RAPGEF5: variants seen among roughly 807,000 people sequenced by gnomAD.
RAPGEF5 encodes Rap guanine nucleotide exchange factor 5.
Under a neutral mutation model 125.2 loss-of-function variants are expected in RAPGEF5, and 65 were observed. The ratio of observed to expected loss-of-function variants is 0.52; its 90% CI spans 0.43 to 0.64. RAPGEF5 has a LOEUF of 0.64. Ranked by LOEUF, RAPGEF5 falls within the 30% of genes least tolerant of loss-of-function variation. The pLI, the probability that RAPGEF5 is intolerant of heterozygous loss-of-function variation, is 0.00. For synonymous variants in RAPGEF5, 391 were observed against 385.9 expected, an observed-to-expected ratio of 1.01 and a Z score of -0.16; for missense variants, 958 against 1,048.1, an observed-to-expected ratio of 0.91 and a Z score of 1.19.
chr7:22,178,300 GA>G (rs559913078), intron 11 of RAPGEF5, among the ~76,000 whole-genome samples: 1 of 151,700 alleles, frequency 6.6e-6, no homozygotes, highest in Non-Finnish European at 1.5e-5. Context: ...AGATTATACT[GA>G]AAAAAAACCA....
rs76915246 is a variant in RAPGEF5 at position 22,284,376 on chromosome 7, C to T, written c.747+6799G>A. Among the ~76,000 whole-genome samples the T allele has an allele frequency of 6.1e-4, 93 of 152,230 alleles. No individual in the cohort carries two copies. The East Asian group carries it at 0.015, about 25-fold the overall frequency. On this transcript the variant is annotated intron_variant, in intron 6 of 25. Transcript: ENST00000665637. ...GACAGATTGAAACACAAGAAGAGAA[C>T]GTAGTATCAAGTCCTATGGCTCCGT...
intron 14 of RAPGEF5, among the ~76,000 whole-genome samples, chr7:22,159,149 C>T (rs994478022): frequency 6.6e-6 from 1 of 152,022 alleles, no homozygotes; most frequent in African/African-American, 2.4e-5. Flanking sequence ...CAAGGTTGTC[C>T]TTTTTTTCTT....
At chr7:22,156,655 T>C (rs1433110744) in intron 16 of RAPGEF5, among the ~76,000 whole-genome samples, 155 bp downstream of exon 16, 1 of 152,088 alleles carries the variant, frequency 6.6e-6, no homozygotes, top group East Asian at 1.9e-4. Flanking sequence ...AATGCTCAAA[T>C]AAAGAAAAGA....
At chr7:22,187,981 G>C (rs1784873625) in intron 11 of RAPGEF5, among the ~76,000 whole-genome samples, 2 of 152,222 alleles carry the variant, frequency 1.3e-5, no homozygotes, top group African/African-American at 2.4e-5. Flanking sequence ...TTTGTTAAAA[G>C]CATCACAGGT....
At position 22,298,173 on chromosome 7, in the gene RAPGEF5, G is replaced by GT. The variant is rs1353403134; in HGVS notation, c.681-6933dup. Among the ~76,000 whole-genome samples, 1,096 of 118,568 alleles carry GT rather than the reference G, an allele frequency of 9.2e-3. 7 individuals are homozygous for GT. Among genetic ancestry groups the GT allele is most frequent in the Non-Finnish European group, 0.013 (783 of 60,070 alleles). 77.8% of individuals were successfully genotyped at this position (118,568 alleles called of 152,430 possible). ...CTATGCTAATGAGTCATATTGTTCT[G>GT]TTTTTTGTTTTTTTTTTTTTTGAGA... is the stretch of plus-strand genomic sequence containing the variant. On this transcript the variant is annotated intron_variant, in intron 5 of 25. Transcript: ENST00000665637.
At position 22,199,531 on chromosome 7, in the gene RAPGEF5, G is replaced by GAAAAAAAAAAA. The variant is rs35024654; in HGVS notation, c.997-5509_997-5499dup. ...GTTATGTAAGTTTTACCTTAAAATTGAAAAAAAAAAAAAAAAAAAAAAAAA... is the reference window on the plus strand; with the variant it reads ...GTTATGTAAGTTTTACCTTAAAATTGAAAAAAAAAAAAAAAAAAAAAAAAAAAAAAAAAAAA... On this transcript the variant is annotated intron_variant, in intron 9 of 25. Transcript: ENST00000665637. 1.1e-3 allele frequency among the ~76,000 whole-genome samples: 67 copies of GAAAAAAAAAAA among 62,848 alleles called. 2 individuals are homozygous for GAAAAAAAAAAA. Among genetic ancestry groups the GAAAAAAAAAAA allele is most frequent in the Non-Finnish European group, 1.7e-3 (60 of 35,496 alleles). The allele number at this position is 62,848 out of a possible 152,430, so 41.2% of individuals were successfully genotyped here.
chr7:22,159,157 C>CT (rs1783904814), intron 14 of RAPGEF5, among the ~76,000 whole-genome samples: 1 of 151,956 alleles, frequency 6.6e-6, no homozygotes, highest in African/African-American at 2.4e-5. Context: ...TCCTTTTTTT[C>CT]TTTTTTTGAT....
chr7:22,184,312 C>A (rs768686066), intron 11 of RAPGEF5, among the ~76,000 whole-genome samples: 4 of 152,200 alleles, frequency 2.6e-5, no homozygotes, highest in Non-Finnish European at 5.9e-5. Flanking sequence ...CATCTCTCCA[C>A]ATAGTTCACT....
chr7:22,240,958 C>T (rs534845342), intron 7 of RAPGEF5, among the ~76,000 whole-genome samples: 56 of 152,214 alleles, frequency 3.7e-4, no homozygotes, highest in African/African-American at 1.3e-3. Flanking sequence ...TCATTTAGCC[C>T]CTCCAACAAG....
rs193227752 is a variant in RAPGEF5 at position 22,313,308 on chromosome 7, A to G, written c.389+2062T>C. On this transcript the variant is annotated intron_variant, in intron 3 of 25. Coordinates refer to ENST00000665637, the MANE Select transcript of RAPGEF5 (RefSeq NM_012294.5). ...CATGCAAAGAAATGACGTCTCAGAAACCAGTGTGATTCTTCCTACAGTATA... is the reference window on the plus strand; with the variant it reads ...CATGCAAAGAAATGACGTCTCAGAAGCCAGTGTGATTCTTCCTACAGTATA... 4.6e-5 allele frequency among the ~76,000 whole-genome samples: 7 copies of G among 152,340 alleles called. No homozygotes were observed. The East Asian group carries it at 1.2e-3, about 25-fold the overall frequency.
intron 7 of RAPGEF5, among the ~76,000 whole-genome samples, chr7:22,253,470 G>C (rs2128138786): frequency 6.6e-6 from 1 of 152,302 alleles, no homozygotes. Context: ...GAGAGGCTGT[G>C]AAAGTCTTGG....
intron 1 of RAPGEF5, among the ~76,000 whole-genome samples, chr7:22,321,748 A>AAT (rs1163921117): frequency 2.0e-5 from 3 of 152,248 alleles, no homozygotes; most frequent in African/African-American, 7.2e-5. Context: ...CAATGGAATA[A>AAT]ATACACTTGA....
At chr7:22,164,307 G>A (rs1187127845) in intron 12 of RAPGEF5, among the ~76,000 whole-genome samples, 1 of 152,108 alleles carries the variant, frequency 6.6e-6, no homozygotes, top group Non-Finnish European at 1.5e-5. Flanking sequence ...CTCCAGCCTA[G>A]GTAACAGAGC....
chr7:22,219,843 T>A (rs748049448), intron 9 of RAPGEF5, 23 bp downstream of exon 9: 1 of 1,575,594 alleles, frequency 6.3e-7, no homozygotes, highest in African/African-American at 1.4e-5. Flanking sequence ...CAAACCTGCA[T>A]CCCCAAGAGG....
chr7:22,220,056 C>T, intron 8 of RAPGEF5, 65 bp from the exon 9 acceptor site: 3 of 1,550,940 alleles, frequency 1.9e-6, no homozygotes, highest in Non-Finnish European at 2.7e-6. Context: ...GACACCACCG[C>T]AAAGTTCACC....
intron 10 of RAPGEF5, 91 bp downstream of exon 10, chr7:22,193,824 G>T: frequency 1.2e-6 from 2 of 1,611,658 alleles, no homozygotes; most frequent in Non-Finnish European, 1.7e-6. Flanking sequence ...AGAGGAGGCA[G>T]AGAGCGAGTG....
intron 7 of RAPGEF5, among the ~76,000 whole-genome samples, chr7:22,250,911 A>AC (rs1228686966): frequency 6.6e-6 from 1 of 152,136 alleles, no homozygotes; most frequent in Non-Finnish European, 1.5e-5. Flanking sequence ...GAGGCTGAAA[A>AC]AAGACAGTGA....
intron 1 of RAPGEF5, among the ~76,000 whole-genome samples, chr7:22,337,616 T>A (rs1400660282): frequency 6.6e-6 from 1 of 152,228 alleles, no homozygotes; most frequent in Non-Finnish European, 1.5e-5. Flanking sequence ...AAAGTTAGCT[T>A]GGCCCACGGC....
chr7:22,157,780 G>A (rs1783855957), intron 15 of RAPGEF5, 75 bp downstream of exon 15: 1 of 1,483,592 alleles, frequency 6.7e-7, no homozygotes, highest in Non-Finnish European at 9.4e-7. Context: ...TTTTAATTAT[G>A]AAACACGCCA....
Sources: gnomAD v4.1 joint callset for allele counts (sites outside exome capture counted in the v4.1 genomes callset) on GRCh38, gnomAD v4.1.1 for gene constraint, MANE v1.5 for transcripts, NCBI Gene and HGNC (gene_info 2026-07-23, HGNC 2026-07-21) for gene names.